TTC7A: variants seen among roughly 807,000 people sequenced by gnomAD.
The protein encoded by TTC7A is tetratricopeptide repeat domain 7A.
In TTC7A, 110 loss-of-function variants were observed where a neutral mutation model predicts 103.7. That is an observed-to-expected ratio of 1.06 (90% confidence interval 0.91 to 1.24). The LOEUF (loss-of-function observed/expected upper bound fraction) is 1.24, where lower values mean the gene tolerates loss of function less well. Ranked by LOEUF, TTC7A falls within the 50% of genes most tolerant of loss-of-function variation. The probability of loss-of-function intolerance (pLI) is 0.00; values close to 1 mark genes in which losing one functional copy is unlikely to be tolerated. For missense variants in TTC7A, 1,340 were observed against 1,116.3 expected (o/e 1.20, Z -2.86); for synonymous variants, 521 against 467.9 (o/e 1.11, Z -1.47).
chr2:47,050,856 C>T (rs1376726871), intron 17 of TTC7A: 1 of 152,222 alleles, frequency 6.6e-6, no homozygotes, highest in Non-Finnish European at 1.5e-5. Flanking sequence ...GTTATTAGGA[C>T]TCCAGGTACA....
intron 5 of TTC7A, among the ~76,000 whole-genome samples, chr2:46,990,519 C>G (rs898075957): frequency 2.0e-5 from 3 of 152,214 alleles, no homozygotes; most frequent in African/African-American, 7.2e-5. Context: ...TCCCAAACTT[C>G]CAAACTTTAA....
At chr2:47,005,782 TG>T in intron 8 of TTC7A, 139 bp from the exon 9 acceptor site, 2 of 883,262 alleles carry the variant, frequency 2.3e-6, no homozygotes, top group Non-Finnish European at 3.5e-6. Context: ...AGGCCATTTC[TG>T]GGAGTGTGGC....
chr2:46,927,329 ATAT>A (rs1403191915), intron 2 of TTC7A, among the ~76,000 whole-genome samples: 1 of 151,934 alleles, frequency 6.6e-6, no homozygotes, highest in East Asian at 1.9e-4. Context: ...AAGAAAAATA[ATAT>A]TAAAGATAGA....
intron 15 of TTC7A, chr2:47,034,257 C>T (rs556989314): frequency 1.3e-5 from 2 of 152,344 alleles, no homozygotes; most frequent in South Asian, 4.1e-4. Flanking sequence ...TGTCCCTGGC[C>T]AAGAGGCCAG....
At chr2:47,046,524 G>T in intron 16 of TTC7A, 93 bp downstream of exon 16, 1 of 919,890 alleles carries the variant, frequency 1.1e-6, no homozygotes, top group Non-Finnish European at 1.8e-6. Flanking sequence ...CCAAGATGGG[G>T]AGGAGAGTGA....
intron 8 of TTC7A, among the ~76,000 whole-genome samples, chr2:47,000,640 CAG>C (rs903191464): frequency 1.6e-4 from 24 of 152,270 alleles, no homozygotes; most frequent in African/African-American, 5.3e-4. Flanking sequence ...GACGACAGCA[CAG>C]GGGGAGCATG....
chr2:46,953,993 G>A (rs1285561766), intron 2 of TTC7A, among the ~76,000 whole-genome samples: 1 of 151,880 alleles, frequency 6.6e-6, no homozygotes, highest in Non-Finnish European at 1.5e-5. Context: ...CAAGAAAGGT[G>A]ATCACAACCC....
intron 2 of TTC7A, among the ~76,000 whole-genome samples, chr2:46,918,907 G>A (rs3087857): frequency 0.21 from 31,582 of 152,184 alleles, 6,352 homozygotes; most frequent in African/African-American, 0.52. Flanking sequence ...CCTGCAACCA[G>A]GAGTCTCATA....
intron 18 of TTC7A, among the ~76,000 whole-genome samples, chr2:47,053,762 A>G (rs1683095877): frequency 6.6e-6 from 1 of 152,128 alleles, no homozygotes; most frequent in South Asian, 2.1e-4. Flanking sequence ...TTTAGTACAG[A>G]CAGGGTTTCA....
chr2:47,055,964 G>C (rs1281529260), intron 18 of TTC7A, among the ~76,000 whole-genome samples: 4 of 152,142 alleles, frequency 2.6e-5, no homozygotes, highest in African/African-American at 9.7e-5. Flanking sequence ...TTCATTCAGT[G>C]CCTTCTTCCC....
At chr2:47,059,396 T>A (rs1683589490) in intron 18 of TTC7A, among the ~76,000 whole-genome samples, 1 of 152,068 alleles carries the variant, frequency 6.6e-6, no homozygotes. Flanking sequence ...AGAAAATGTT[T>A]CCCAAACCTG....
rs183764520 is a variant in TTC7A, at chr2:46,917,033, G to T, written c.-12-151G>T. Among the ~76,000 whole-genome samples, 18 of 152,102 alleles carry T rather than the reference G, an allele frequency of 1.2e-4. No homozygotes were observed. The East Asian group carries it at 3.5e-3, about 30-fold the overall frequency. ...GGTCCGGACAGGAAAGACAAAGAAAGTGGCTAAGTAGTTAGATGCCTTGAA... is the reference window on the plus strand; with the variant it reads ...GGTCCGGACAGGAAAGACAAAGAAATTGGCTAAGTAGTTAGATGCCTTGAA... On this transcript the variant is annotated intron_variant, in intron 1 of 20. Coordinates refer to the TTC7A transcript ENST00000409245.
chr2:46,989,454 C>T (rs374143581), intron 5 of TTC7A, among the ~76,000 whole-genome samples: 8 of 152,160 alleles, frequency 5.3e-5, no homozygotes, highest in Admixed American at 3.9e-4. Flanking sequence ...AGAGCTGGGA[C>T]GGGATTGCTC....
At chr2:47,058,404 C>CT (rs1244321464) in intron 18 of TTC7A, among the ~76,000 whole-genome samples, 3 of 152,222 alleles carry the variant, frequency 2.0e-5, no homozygotes, top group Non-Finnish European at 4.4e-5. Context: ...ACCCCAGTGC[C>CT]TGTGTTGCAG....
intron 18 of TTC7A, among the ~76,000 whole-genome samples, chr2:47,057,731 T>C (rs1683433554): frequency 6.6e-6 from 1 of 152,206 alleles, no homozygotes. Flanking sequence ...TCTGCCACAG[T>C]GGAGCCCAGC....
chr2:47,046,483 A>G (rs1246079540), intron 16 of TTC7A, 52 bp downstream of exon 16: 2 of 1,453,686 alleles, frequency 1.4e-6, no homozygotes, highest in South Asian at 1.1e-5. Context: ...TGCCAGGGCA[A>G]CAATCCACAG....
intron 16 of TTC7A, among the ~76,000 whole-genome samples, chr2:47,048,204 T>C (rs947332334): frequency 1.3e-5 from 2 of 151,326 alleles, no homozygotes; most frequent in Admixed American, 1.3e-4. Context: ...AACCCTCTCA[T>C]GTGGGTTTTT....
At chr2:46,978,724 C>G (rs922288018) in intron 4 of TTC7A, 68 bp from the exon 5 acceptor site, 1 of 1,286,126 alleles carries the variant, frequency 7.8e-7, no homozygotes, top group African/African-American at 1.5e-5. Flanking sequence ...GAGGCCACCT[C>G]CTCTTGCTGA....
intron 8 of TTC7A, among the ~76,000 whole-genome samples, chr2:46,998,060 G>A (rs758572534): frequency 6.6e-5 from 10 of 152,272 alleles, no homozygotes; most frequent in African/African-American, 2.2e-4. Flanking sequence ...GGGTTATGGG[G>A]TGGGTGAGTC....
Sources: allele counts gnomAD v4.1 joint callset (sites outside exome capture counted in the v4.1 genomes callset), GRCh38; gene constraint gnomAD v4.1.1; transcripts MANE v1.5; gene names NCBI Gene and HGNC (gene_info 2026-07-23, HGNC 2026-07-21).